The following ZWILCH variants were observed in gnomAD, a reference collection of about 807,000 sequenced individuals.
The protein encoded by ZWILCH is zwilch kinetochore protein.
A neutral mutation model predicts 79.9 loss-of-function variants in ZWILCH; 74 were observed. The observed-to-expected ratio is 0.93, with a 90% confidence interval of 0.77 to 1.12. The LOEUF (loss-of-function observed/expected upper bound fraction) is 1.12, where lower values mean the gene tolerates loss of function less well. Among genes scored for constraint, ZWILCH ranks in the 50% most tolerant of loss-of-function variants. The probability of loss-of-function intolerance (pLI) is 0.00; values close to 1 mark genes in which losing one functional copy is unlikely to be tolerated. For synonymous variants in ZWILCH, 241 were observed against 228.2 expected (o/e 1.06, Z -0.51); for missense variants, 694 against 687.5 (o/e 1.01, Z -0.11).
At chr15:66,517,644 C>A (rs1238125901) in intron 4 of ZWILCH, among the ~76,000 whole-genome samples, 3 of 149,408 alleles carry the variant, frequency 2.0e-5, no homozygotes, top group Admixed American at 6.7e-5. Flanking sequence ...CTAATCAGAG[C>A]CCATATTCAA....
At chr15:66,548,299 G>T (rs1895455943) in intron 18 of ZWILCH, 52 bp from the exon 19 acceptor site, 3 of 350,622 alleles carry the variant, frequency 8.6e-6, no homozygotes, top group African/African-American at 4.3e-5. Context: ...GATTACAAGT[G>T]TTTTTTTTTT....
At chr15:66,520,181 C>T (rs576737544) in intron 5 of ZWILCH, among the ~76,000 whole-genome samples, 3 of 151,578 alleles carry the variant, frequency 2.0e-5, no homozygotes, top group Admixed American at 6.6e-5. Context: ...AGTGCAGTGG[C>T]GCAATCATGG....
At chr15:66,542,729 T>C (rs1184036267) in intron 17 of ZWILCH, among the ~76,000 whole-genome samples, 1 of 152,126 alleles carries the variant, frequency 6.6e-6, no homozygotes, top group Non-Finnish European at 1.5e-5. Context: ...AAGATATGCT[T>C]GCTTGTACTC....
intron 5 of ZWILCH, 191 bp from the exon 6 acceptor site, chr15:66,520,399 G>C: frequency 1.9e-6 from 1 of 515,630 alleles, no homozygotes; most frequent in Non-Finnish European, 3.5e-6. Context: ...GGGATTATAT[G>C]TGTGAGCCAC....
At position 66,544,936 on chromosome 15, in the gene ZWILCH, G is replaced by A. The variant is rs1327165024; in HGVS notation, c.1688-1655G>A. On this transcript the variant is annotated intron_variant, in intron 17 of 18. Transcript: ENST00000307897. ...TTTTTGTATTTTTAGTAGAGATGGG[G>A]TTTCACCATGTTGGTCAGGCTGGTC... 3.3e-5 allele frequency among the ~76,000 whole-genome samples: 5 copies of A among 151,746 alleles called. No homozygotes were observed. In the East Asian group the frequency reaches 1.0e-3, roughly 30 times the overall value.
Position 66,521,219 on chromosome 15 carries a change from C to T in ZWILCH, c.747+14C>T, listed in dbSNP as rs1296283385. 1 of 1,606,972 alleles carries T rather than the reference C, an allele frequency of 6.2e-7. No homozygotes were observed. Among genetic ancestry groups the T allele is most frequent in the Admixed American group, 1.7e-5 (1 of 59,942 alleles). ...ACTGCAACTCTGGTAAGAGTGGGCC[C>T]TATTTCCTTTTCGGGTTCATGAGAC... is the stretch of plus-strand genomic sequence containing the variant. On this transcript the variant is annotated intron_variant, in intron 7 of 18. Coordinates refer to ENST00000307897, the MANE Select transcript of ZWILCH (RefSeq NM_017975.5).
intron 4 of ZWILCH, among the ~76,000 whole-genome samples, chr15:66,518,152 A>G (rs973571602): frequency 6.6e-6 from 1 of 152,090 alleles, no homozygotes; most frequent in African/African-American, 2.4e-5. Context: ...TAGTAGCTCC[A>G]ATCCTGTCAT....
At chr15:66,522,663 A>C (rs1014003572) in intron 7 of ZWILCH, among the ~76,000 whole-genome samples, 3 of 152,128 alleles carry the variant, frequency 2.0e-5, no homozygotes, top group Non-Finnish European at 4.4e-5. Context: ...CTGTTTTAAA[A>C]TCTTGAATAT....
At chr15:66,517,430 G>GTGTATATATATATAGATA in intron 4 of ZWILCH, among the ~76,000 whole-genome samples, 1 of 66,518 alleles carries the variant, frequency 1.5e-5, no homozygotes, top group African/African-American at 6.1e-5. Flanking sequence ...GTGTGTGTGT[G>GTGTATATATATATAGATA]TATATATATA....
intron 12 of ZWILCH, among the ~76,000 whole-genome samples, chr15:66,530,816 G>A (rs1014062940): frequency 2.7e-5 from 4 of 150,838 alleles, no homozygotes; most frequent in Non-Finnish European, 4.4e-5. Context: ...AACTTTTATG[G>A]GTGTGAACAA....
chr15:66,546,761 C>T (rs993623437), intron 18 of ZWILCH, 56 bp downstream of exon 18: 40 of 906,604 alleles, frequency 4.4e-5, no homozygotes, highest in Non-Finnish European at 5.8e-5. Context: ...AAGTACCTTA[C>T]GTTTAGTTCT....
At chr15:66,528,268 T>C (rs112343588) in intron 10 of ZWILCH, among the ~76,000 whole-genome samples, 1,966 of 152,262 alleles carry the variant, frequency 0.013, 35 homozygotes, top group African/African-American at 0.045. Context: ...CATGTCTGGC[T>C]AATTTTTAAA....
rs375521787 is a variant in ZWILCH, at chr15:66,540,072, C to A, written c.1575-26C>A. 727 of 1,568,326 alleles carry A rather than the reference C, an allele frequency of 4.6e-4. 5 individuals are homozygous for A. The African/African-American group carries it at 9.4e-3, about 20-fold the overall frequency. On this transcript the variant is annotated intron_variant, in intron 16 of 18. Transcript: ENST00000307897. ...TAAATGGCTGTTTTTGAAAATTTTT[C>A]TTTTGTCGTTTTATTCTTTCCTTAG...
intron 9 of ZWILCH, 52 bp downstream of exon 9, chr15:66,527,435 T>C (rs368589816): frequency 1.4e-5 from 20 of 1,385,582 alleles, no homozygotes; most frequent in African/African-American, 1.3e-4. Context: ...TGTTTAAATA[T>C]AAGTTTCTCT....
intron 17 of ZWILCH, among the ~76,000 whole-genome samples, chr15:66,544,113 C>T (rs558108483): frequency 2.0e-3 from 301 of 151,790 alleles, no homozygotes; most frequent in African/African-American, 6.9e-3. Flanking sequence ...AAAAATTAGC[C>T]GGGCATGGTG....
At chr15:66,505,464 C>G in intron 1 of ZWILCH, 73 bp downstream of exon 1, 11 of 1,570,132 alleles carry the variant, frequency 7.0e-6, no homozygotes, top group Non-Finnish European at 8.8e-6. Context: ...GATCCCCGCC[C>G]TAAGCCTCTT....
At chr15:66,524,153 T>C (rs1286082671) in intron 8 of ZWILCH, among the ~76,000 whole-genome samples, 1 of 152,200 alleles carries the variant, frequency 6.6e-6, no homozygotes, top group Non-Finnish European at 1.5e-5. Flanking sequence ...ATGTCTTGGG[T>C]GGAGTTACTA....
intron 7 of ZWILCH, among the ~76,000 whole-genome samples, chr15:66,521,419 A>G (rs897345839): frequency 2.0e-5 from 3 of 152,100 alleles, no homozygotes; most frequent in Non-Finnish European, 4.4e-5. Flanking sequence ...TCAGCCCTAT[A>G]ATAATATAAC....
At chr15:66,533,464 A>G (rs989783999) in intron 14 of ZWILCH, among the ~76,000 whole-genome samples, 2 of 152,200 alleles carry the variant, frequency 1.3e-5, no homozygotes, top group African/African-American at 4.8e-5. Flanking sequence ...TAGCCCATTC[A>G]GAAACTTCAG....
Sources: allele counts gnomAD v4.1 joint callset (sites outside exome capture counted in the v4.1 genomes callset), GRCh38; gene constraint gnomAD v4.1.1; transcripts MANE v1.5; gene names NCBI Gene and HGNC (gene_info 2026-07-23, HGNC 2026-07-21).